Variants in CCDC170 observed in about 807,000 individuals in gnomAD.
CCDC170 encodes the protein coiled-coil domain containing 170.
Under a neutral mutation model 72.6 loss-of-function variants are expected in CCDC170, and 69 were observed. That is an observed-to-expected ratio of 0.95 (90% CI 0.78 to 1.16). The LOEUF is 1.16. Among genes scored for constraint, CCDC170 ranks in the 50% most tolerant of loss-of-function variants. The probability of loss-of-function intolerance (pLI) is 0.00; values close to 1 mark genes in which losing one functional copy is unlikely to be tolerated. For synonymous variants in CCDC170, 300 were observed against 303.9 expected (o/e 0.99, Z 0.13); for missense variants, 852 against 832.5 (o/e 1.02, Z -0.29).
At chr6:151,540,872 GC>G (rs957951084) in intron 3 of CCDC170, among the ~76,000 whole-genome samples, 3 of 152,112 alleles carry the variant, frequency 2.0e-5, no homozygotes, top group African/African-American at 7.2e-5. Flanking sequence ...CTCTGACTGT[GC>G]CCCCTGCAGC....
rs759707637 is a variant in CCDC170 at position 151,538,235 on chromosome 6, C to G, written c.377C>G (p.Ala126Gly). The change falls in exon 3 of 11, where the codon GCT becomes GGT. Residue 126 changes from alanine (A) to glycine (G), a missense_variant. Coordinates refer to ENST00000239374, the MANE Select transcript of CCDC170 (RefSeq NM_025059.4). ...TCTAAAATCAGAACAGAAATCACAG[C>G]TCACGCTGCAATCAAGGAGAACCAG... ...STSKIRTEIT[A>G]HAAIKENQEL... is the part of the protein sequence containing the mutation. 1 of 1,613,730 alleles carries G rather than the reference C, an allele frequency of 6.2e-7. No homozygotes were observed. The highest frequency in any genetic ancestry group is 1.7e-5 in the Admixed American group (1 of 59,998).
intron 3 of CCDC170, among the ~76,000 whole-genome samples, chr6:151,541,882 A>AT (rs1562276582): frequency 3.4e-5 from 2 of 58,536 alleles, no homozygotes; most frequent in South Asian, 5.6e-4. Flanking sequence ...ATATATATAT[A>AT]TATATTTTTT....
intron 1 of CCDC170, among the ~76,000 whole-genome samples, chr6:151,526,516 G>T (rs1389439336): frequency 2.9e-5 from 4 of 136,152 alleles, no homozygotes; most frequent in Non-Finnish European, 6.2e-5. Flanking sequence ...CACCCCGCCT[G>T]GCCTTTTTTT....
At chr6:151,497,002 C>A (rs1048396271) in intron 1 of CCDC170, among the ~76,000 whole-genome samples, 6 of 152,224 alleles carry the variant, frequency 3.9e-5, no homozygotes, top group African/African-American at 1.4e-4. Context: ...CTACTCCTAC[C>A]ATCATCACCA....
In CCDC170 at chr6:151,517,599, A is replaced by AT. The variant is rs922850287; in HGVS notation, c.58-18709dup. ...TGGTGCCCAACACCATGCCTGGCTA[A>AT]TTTTTTTTTTCTTTTTGTATTTTTA... is the stretch of plus-strand genomic sequence containing the variant. On this transcript the variant is annotated intron_variant, in intron 1 of 10. Transcript: ENST00000239374. Among the ~76,000 whole-genome samples the AT allele has an allele frequency of 6.7e-5, 10 of 148,864 alleles. No homozygotes were observed. In the South Asian group the frequency reaches 8.5e-4, roughly 13 times the overall value.
chr6:151,594,715 G>A (rs1313907510), intron 8 of CCDC170, among the ~76,000 whole-genome samples: 9 of 151,328 alleles, frequency 5.9e-5, no homozygotes, highest in Non-Finnish European at 1.0e-4. Flanking sequence ...GCAATGGTGC[G>A]ATCTCGGCTC....
chr6:151,551,873 T>C (rs577969446), intron 5 of CCDC170, among the ~76,000 whole-genome samples: 4 of 152,284 alleles, frequency 2.6e-5, no homozygotes, highest in Admixed American at 2.0e-4. Context: ...TTTGTTGTTT[T>C]AAGCCACCAA....
rs1243039434 is a variant in CCDC170, at chr6:151,593,280, G to C, written c.1467G>C (p.Lys489Asn). Residue 489 changes from lysine (K) to asparagine (N), a missense_variant and splice_region_variant, in exon 8 of 11, where the codon AAG becomes AAC. Coordinates refer to ENST00000239374, the MANE Select transcript of CCDC170 (RefSeq NM_025059.4). The part of the protein sequence containing the change: ...NKTIAHNLQR[K>N]LKTQKERLES... ...CCATTGCCCACAATTTGCAGAGAAA[G>C]GTAGGAGATATTGAAACTTGCTAGT... 6.2e-7 allele frequency: 1 copy of C among 1,611,596 alleles called. No homozygotes were observed. The highest frequency in any genetic ancestry group is 1.3e-5 in the African/African-American group (1 of 74,886).
In CCDC170 at chr6:151,569,699, G is replaced by A. The variant is rs113915728; in HGVS notation, c.775-3475G>A. ...CATGGAACCAGAATCCACTCTGATG[G>A]CTTTCTCCTGATAGGTGAACAAGTA... On this transcript the variant is annotated intron_variant, in intron 5 of 10. Coordinates refer to ENST00000239374, the MANE Select transcript of CCDC170 (RefSeq NM_025059.4). Among the ~76,000 whole-genome samples, 752 of 152,302 alleles carry A rather than the reference G, an allele frequency of 4.9e-3. 6 individuals carry two copies. The highest frequency in any genetic ancestry group is 0.016 in the African/African-American group (683 of 41,558).
chr6:151,514,377 A>AAGGAAGGGAGGGAGGG (rs1782203032), intron 1 of CCDC170, among the ~76,000 whole-genome samples: 1 of 104,074 alleles, frequency 9.6e-6, no homozygotes, highest in Admixed American at 1.0e-4. Flanking sequence ...GGGAGGGAGG[A>AAGGAAGGGAGGGAGGG]AGGAAGGAAG....
chr6:151,589,123 T>C (rs1000690770), intron 7 of CCDC170, among the ~76,000 whole-genome samples: 1 of 151,914 alleles, frequency 6.6e-6, no homozygotes, highest in African/African-American at 2.4e-5. Context: ...GGTGTGGTGG[T>C]GTGTGCCTGT....
In CCDC170 at chr6:151,495,225, A is replaced by G. The variant is rs556145188; in HGVS notation, c.57+1040A>G. 2.0e-5 allele frequency among the ~76,000 whole-genome samples: 3 copies of G among 152,328 alleles called. No individual in the cohort carries two copies. In the East Asian group the frequency reaches 5.8e-4, roughly 29 times the overall value. Reference sequence around the variant, plus strand: ...CTGATTCCTGGAATATTTGTGGAAAATAAGTACCACTGTGTGCAAATAAAA... The same window carrying G: ...CTGATTCCTGGAATATTTGTGGAAAGTAAGTACCACTGTGTGCAAATAAAA... On this transcript the variant is annotated intron_variant, in intron 1 of 10. Transcript: ENST00000239374.
intron 1 of CCDC170, among the ~76,000 whole-genome samples, chr6:151,520,854 C>G (rs1259376681): frequency 1.3e-5 from 2 of 152,276 alleles, no homozygotes; most frequent in East Asian, 3.9e-4. Context: ...TTCCCCCCAC[C>G]CACCAAGTTA....
chr6:151,582,355 A>T (rs1776390238), intron 6 of CCDC170, among the ~76,000 whole-genome samples: 1 of 152,170 alleles, frequency 6.6e-6, no homozygotes, highest in Non-Finnish European at 1.5e-5. Flanking sequence ...CTCATGAATC[A>T]ATCTCTACTA....
chr6:151,574,595 G>A (rs952431679), intron 6 of CCDC170, among the ~76,000 whole-genome samples: 2 of 152,114 alleles, frequency 1.3e-5, no homozygotes, highest in African/African-American at 4.8e-5. Flanking sequence ...ACATTCACAG[G>A]TCTGTAGCTA....
chr6:151,596,162 G>C (rs1168938785), intron 8 of CCDC170, among the ~76,000 whole-genome samples, 173 bp from the exon 9 acceptor site: 1 of 152,054 alleles, frequency 6.6e-6, no homozygotes, highest in African/African-American at 2.4e-5. Context: ...ATTAATTCTT[G>C]GAAAGGGTAT....
At chr6:151,529,798 A>G (rs1369325394) in intron 1 of CCDC170, among the ~76,000 whole-genome samples, 1 of 152,240 alleles carries the variant, frequency 6.6e-6, no homozygotes, top group Non-Finnish European at 1.5e-5. Flanking sequence ...CTATAACAGA[A>G]TACCACAGAC....
chr6:151,517,969 C>A (rs1001480221), intron 1 of CCDC170, among the ~76,000 whole-genome samples: 3 of 151,560 alleles, frequency 2.0e-5, no homozygotes, highest in African/African-American at 7.3e-5. Context: ...AAGAAATAGC[C>A]CTTAAGCTTT....
At chr6:151,511,268 A>G (rs1390899969) in intron 1 of CCDC170, among the ~76,000 whole-genome samples, 2 of 152,176 alleles carry the variant, frequency 1.3e-5, no homozygotes, top group East Asian at 1.9e-4. Flanking sequence ...AATTCCATCT[A>G]TACTTGTTCT....
Sources: gnomAD v4.1 joint callset for allele counts (sites outside exome capture counted in the v4.1 genomes callset) on GRCh38, gnomAD v4.1.1 for gene constraint, MANE v1.5 for transcripts, NCBI Gene and HGNC (gene_info 2026-07-23, HGNC 2026-07-21) for gene names.